The following PRELID2 variants were observed in gnomAD, a reference collection of about 807,000 sequenced individuals.
PRELID2 encodes PRELI domain-containing protein 2.
PRELID2 carries 25 observed loss-of-function variants against 28.4 expected under a neutral mutation model. That is an observed-to-expected ratio of 0.88 (90% CI 0.64 to 1.23). The LOEUF is 1.23. Among genes scored for constraint, PRELID2 ranks in the 50% most tolerant of loss-of-function variants. The pLI, the probability that PRELID2 is intolerant of heterozygous loss-of-function variation, is 0.00. For missense variants in PRELID2, 201 were observed against 214.4 expected, an observed-to-expected ratio of 0.94 and a Z score of 0.39; for synonymous variants, 76 against 71.6, an observed-to-expected ratio of 1.06 and a Z score of -0.31.
At chr5:145,622,981 A>G (rs978322831) in intron 1 of PRELID2, among the ~76,000 whole-genome samples, 2 of 152,014 alleles carry the variant, frequency 1.3e-5, no homozygotes, top group African/African-American at 4.8e-5. Flanking sequence ...TTTTTTAAAA[A>G]ATTATATATT....
chr5:145,335,751 C>T, the PRELID2 span, among the ~76,000 whole-genome samples: 1 of 152,204 alleles, frequency 6.6e-6, no homozygotes, highest in Non-Finnish European at 1.5e-5. Context: ...GAAGAAAGAG[C>T]TCAAAGAACC....
chr5:145,744,570 G>A (rs978161824), intron 1 of PRELID2, among the ~76,000 whole-genome samples: 4 of 152,094 alleles, frequency 2.6e-5, no homozygotes, highest in Non-Finnish European at 5.9e-5. Flanking sequence ...CAGATGAATA[G>A]GGCCTGAAGT....
chr5:145,243,921 A>G, the PRELID2 span, among the ~76,000 whole-genome samples: 1 of 151,902 alleles, frequency 6.6e-6, no homozygotes, highest in Non-Finnish European at 1.5e-5. Context: ...AGCAACTTTT[A>G]CTTCCAAGTT....
chr5:145,673,695 C>T (rs1385412061), intron 1 of PRELID2, among the ~76,000 whole-genome samples: 1 of 151,858 alleles, frequency 6.6e-6, no homozygotes, highest in Non-Finnish European at 1.5e-5. Context: ...CTGAGAGACA[C>T]ATGCAAAACA....
At chr5:145,607,655 T>A (rs1284043099) in intron 1 of PRELID2, among the ~76,000 whole-genome samples, 5 of 152,088 alleles carry the variant, frequency 3.3e-5, no homozygotes, top group Admixed American at 1.3e-4. Flanking sequence ...GGTTGTTTTA[T>A]GGCTGATTGT....
At chr5:145,745,717 G>A (rs1322953347) in intron 1 of PRELID2, among the ~76,000 whole-genome samples, 3 of 152,042 alleles carry the variant, frequency 2.0e-5, no homozygotes, top group Non-Finnish European at 2.9e-5. Flanking sequence ...GAAACAATTA[G>A]CTGGATATTG....
chr5:145,773,198 G>A (rs973404146), intron 5 of PRELID2, among the ~76,000 whole-genome samples: 14 of 152,022 alleles, frequency 9.2e-5, no homozygotes, highest in Admixed American at 1.3e-4. Flanking sequence ...TTTCTAGTCC[G>A]GATAGGAAAC....
At chr5:145,743,667 C>T (rs765226385) in intron 1 of PRELID2, among the ~76,000 whole-genome samples, 2 of 152,090 alleles carry the variant, frequency 1.3e-5, no homozygotes, top group African/African-American at 2.4e-5. Flanking sequence ...GCTTTTTCCA[C>T]GAAACTGTGC....
At chr5:145,827,658 G>GT (rs1359684439) in intron 1 of PRELID2, among the ~76,000 whole-genome samples, 2 of 152,186 alleles carry the variant, frequency 1.3e-5, no homozygotes, top group African/African-American at 4.8e-5. Flanking sequence ...GTTTTTCATT[G>GT]TAACACAGAG....
intron 1 of PRELID2, among the ~76,000 whole-genome samples, chr5:145,724,009 T>C (rs1001420816): frequency 6.6e-6 from 1 of 152,244 alleles, no homozygotes; most frequent in Non-Finnish European, 1.5e-5. Context: ...TGCTATGCAT[T>C]TGTAATAAAG....
chr5:145,434,127 G>T, the PRELID2 span, among the ~76,000 whole-genome samples: 3 of 152,112 alleles, frequency 2.0e-5, no homozygotes, highest in Non-Finnish European at 1.5e-5. Context: ...TCCTCTTTTA[G>T]TTTCCCTCAT....
rs1758411418 is a variant in PRELID2, at chr5:145,776,403, A to G, written c.475-11403T>C. Among the ~76,000 whole-genome samples, 3 of 152,250 alleles carry G rather than the reference A, an allele frequency of 2.0e-5. No individual in the cohort carries two copies. The South Asian group carries it at 6.2e-4, about 31-fold the overall frequency. On this transcript the variant is annotated intron_variant, in intron 5 of 6. Coordinates refer to ENST00000683046, the MANE Select transcript of PRELID2 (RefSeq NM_205846.3). ...AAGTAGTGATGCTGACAATTCAGAT[A>G]TGTTGAAGAGAAGCCACAATGTGTT... is the stretch of plus-strand genomic sequence containing the variant.
At chr5:145,632,231 T>C (rs78228272) in intron 1 of PRELID2, among the ~76,000 whole-genome samples, 3,058 of 152,228 alleles carry the variant, frequency 0.02, 112 homozygotes, top group African/African-American at 0.07. Flanking sequence ...TTACGGTAAT[T>C]GTAAATACTT....
At chr5:145,267,426 G>T in the PRELID2 span, among the ~76,000 whole-genome samples, 3 of 152,028 alleles carry the variant, frequency 2.0e-5, no homozygotes, top group Non-Finnish European at 4.4e-5. Context: ...ACTGTGCTTG[G>T]CTTATTTCAC....
At chr5:145,408,488 G>GTATAACATATATAT in the PRELID2 span, among the ~76,000 whole-genome samples, 1 of 145,722 alleles carries the variant, frequency 6.9e-6, no homozygotes, top group East Asian at 2.0e-4. Flanking sequence ...TTATATATAG[G>GTATAACATATATAT]GGATTGATGA....
chr5:145,664,817 GA>G (rs1185546442), intron 1 of PRELID2, among the ~76,000 whole-genome samples: 1 of 152,094 alleles, frequency 6.6e-6, no homozygotes, highest in African/African-American at 2.4e-5. Flanking sequence ...CGGCTTTGCT[GA>G]AGTGGACTCC....
intron 1 of PRELID2, among the ~76,000 whole-genome samples, chr5:145,614,672 T>C (rs1753669150): frequency 1.3e-5 from 2 of 152,230 alleles, no homozygotes; most frequent in Admixed American, 1.3e-4. Context: ...TTTGTGTACA[T>C]TAATCTTGTA....
In PRELID2 at chr5:145,758,431, G is replaced by GT. The variant is rs1380419634; in HGVS notation, c.*2104dup. Among the ~76,000 whole-genome samples the GT allele has an allele frequency of 7.2e-5, 11 of 152,040 alleles. No individual in the cohort carries two copies. Among genetic ancestry groups the GT allele is most frequent in the South Asian group, 4.2e-4 (2 of 4,812 alleles). On this transcript the variant is annotated 3_prime_UTR_variant, in exon 7 of 7. Transcript: ENST00000683046. ...GCTGCCCACTGGAACTACCAAAGGA[G>GT]TTTTTTTTAAAGCTGATGCCTTGGT... is the stretch of plus-strand genomic sequence containing the variant.
the PRELID2 span, among the ~76,000 whole-genome samples, chr5:145,391,032 T>C: frequency 3.9e-5 from 6 of 152,314 alleles, no homozygotes; most frequent in South Asian, 1.0e-3. Flanking sequence ...CCTTGGGAAG[T>C]GCCACCCCTG....
Sources: allele counts gnomAD v4.1 joint callset (sites outside exome capture counted in the v4.1 genomes callset), GRCh38; gene constraint gnomAD v4.1.1; transcripts MANE v1.5; gene names NCBI Gene and HGNC (gene_info 2026-07-23, HGNC 2026-07-21).